Variants in GRIN2A observed in about 807,000 individuals in gnomAD.
GRIN2A encodes the protein glutamate receptor ionotropic, NMDA 2A.
A neutral mutation model predicts 113.4 loss-of-function variants in GRIN2A; 22 were observed. That is an observed-to-expected ratio of 0.19 (90% CI 0.14 to 0.28). The LOEUF is 0.28. GRIN2A is among the 10% of genes least tolerant of loss of function. The probability of loss-of-function intolerance (pLI) is 1.00; values close to 1 mark genes in which losing one functional copy is unlikely to be tolerated. For synonymous variants in GRIN2A, 827 were observed against 738.4 expected (o/e 1.12, Z -1.94); for missense variants, 1,502 against 1,887.0 (o/e 0.80, Z 3.78).
At chr16:9,922,272 A>G (rs1041899489) in intron 3 of GRIN2A, among the ~76,000 whole-genome samples, 1 of 152,126 alleles carries the variant, frequency 6.6e-6, no homozygotes, top group Non-Finnish European at 1.5e-5. Context: ...ATGAAATACA[A>G]TTCCAGATTA....
At chr16:9,936,004 C>T (rs995331551) in intron 3 of GRIN2A, among the ~76,000 whole-genome samples, 2 of 152,150 alleles carry the variant, frequency 1.3e-5, no homozygotes, top group Non-Finnish European at 2.9e-5. Context: ...ACCCAGCCTG[C>T]TGACTGTAAT....
intron 2 of GRIN2A, among the ~76,000 whole-genome samples, chr16:10,131,127 G>A (rs566722014): frequency 3.1e-4 from 47 of 152,334 alleles, no homozygotes; most frequent in Non-Finnish European, 5.7e-4. Flanking sequence ...GGCAGGGGCT[G>A]ATCAAGATGG....
At chr16:9,989,651 G>A (rs2046061823) in intron 2 of GRIN2A, among the ~76,000 whole-genome samples, 1 of 151,786 alleles carries the variant, frequency 6.6e-6, no homozygotes, top group African/African-American at 2.4e-5. Context: ...CCAACAAAGG[G>A]CTAATATTCA....
intron 2 of GRIN2A, among the ~76,000 whole-genome samples, chr16:10,034,218 G>C (rs546164651): frequency 2.0e-5 from 3 of 152,156 alleles, no homozygotes; most frequent in Admixed American, 6.5e-5. Context: ...GGGAAGCTTA[G>C]CAACTTGGGG....
intron 10 of GRIN2A, among the ~76,000 whole-genome samples, chr16:9,805,801 TCA>T (rs1347421802): frequency 1.3e-5 from 2 of 152,106 alleles, no homozygotes; most frequent in African/African-American, 4.8e-5. Context: ...GAGGTGTGGA[TCA>T]CCACCGGGTA....
At chr16:10,071,245 A>T (rs150092357) in intron 2 of GRIN2A, among the ~76,000 whole-genome samples, 204 of 152,322 alleles carry the variant, frequency 1.3e-3, no homozygotes, top group Non-Finnish European at 2.2e-3. Context: ...ATATACCTGG[A>T]AATATTCGGA....
intron 2 of GRIN2A, among the ~76,000 whole-genome samples, chr16:10,008,302 T>C (rs3886523): frequency 0.026 from 3,997 of 152,260 alleles, 194 homozygotes; most frequent in African/African-American, 0.092. Context: ...CAAAACTAAT[T>C]TGGTTGTGTC....
At chr16:9,984,770 G>A (rs1327640512) in intron 2 of GRIN2A, among the ~76,000 whole-genome samples, 2 of 152,114 alleles carry the variant, frequency 1.3e-5, no homozygotes, top group Non-Finnish European at 1.5e-5. Context: ...TTATCTACAT[G>A]CTCATTTTAG....
chr16:9,763,005 A>C lies in GRIN2A; in HGVS notation c.*144T>G. The C allele has an allele frequency of 2.5e-6, 2 of 802,906 alleles. No homozygotes were observed. The highest frequency in any genetic ancestry group is 4.0e-6 in the Non-Finnish European group (2 of 498,578). 49.7% of individuals were successfully genotyped at this position (802,906 alleles called of 1,614,324 possible). On this transcript the variant is annotated 3_prime_UTR_variant, in exon 13 of 13. Transcript: ENST00000330684. ...AAGATTATGGCATGAAGCCGTGTGC[A>C]AAAGAGCCAACAACAACAACAACAA...
intron 2 of GRIN2A, among the ~76,000 whole-genome samples, chr16:10,079,261 G>T (rs1453924166): frequency 6.6e-6 from 1 of 152,196 alleles, no homozygotes; most frequent in Non-Finnish European, 1.5e-5. Context: ...TATGATAAAG[G>T]CTGTGAAAGA....
intron 2 of GRIN2A, among the ~76,000 whole-genome samples, chr16:10,034,313 C>A (rs954185482): frequency 6.6e-6 from 1 of 151,800 alleles, no homozygotes; most frequent in African/African-American, 2.4e-5. Flanking sequence ...TCACTTGAGA[C>A]CAGAAGTGCG....
intron 2 of GRIN2A, among the ~76,000 whole-genome samples, chr16:10,127,274 T>C (rs1321619375): frequency 4.6e-5 from 7 of 151,908 alleles, no homozygotes; most frequent in Non-Finnish European, 1.0e-4. Context: ...GGAAAGTCTT[T>C]GGGTGTTTAT....
rs1462339220 is a variant in GRIN2A, at chr16:9,763,609, C to G, written c.3935G>C (p.Ser1312Thr). ...LDLSRPSRSI[S>T]LKDRERLLEG... ...CAGAAGCCGTTCCCTGTCCTTGAGGCTTATGCTCCGGGAGGGCCTGCTAAG... is the reference window on the plus strand; with the variant it reads ...CAGAAGCCGTTCCCTGTCCTTGAGGGTTATGCTCCGGGAGGGCCTGCTAAG... The change falls in exon 13 of 13, where the codon AGC becomes ACC. Residue 1312 changes from serine to threonine, a missense_variant. Around this residue, in one of 7 missense-constraint regions of GRIN2A, gnomAD observed 832 missense variants for 789.7 expected, o/e 1.05. Coordinates refer to ENST00000330684, the MANE Select transcript of GRIN2A (RefSeq NM_001134407.3). The G allele has an allele frequency of 6.2e-7, 1 of 1,613,468 alleles. No individual in the cohort carries two copies. Among genetic ancestry groups the G allele is most frequent in the Admixed American group, 1.7e-5 (1 of 60,016 alleles).
At position 9,764,127 on chromosome 16, in the gene GRIN2A, C is replaced by A. The variant is rs1236610369; in HGVS notation, c.3417G>T (p.Val1139=). 3.7e-6 allele frequency: 6 copies of A among 1,613,586 alleles called. No individual in the cohort carries two copies. Among genetic ancestry groups the A allele is most frequent in the African/African-American group, 1.3e-5 (1 of 74,868 alleles). ...HLDPPQFVEN[V]TLPENVDFPD... is the part of the protein sequence containing the mutation. ...GGAAGTCCACGTTCTCGGGCAGGGT[C>A]ACATTTTCAACAAACTGGGGTGGAT... The change falls in exon 13 of 13, where the codon GTG becomes GTT. Residue 1139 remains valine (V), a synonymous_variant. Transcript: ENST00000330684.
At chr16:10,100,625 T>C (rs1250139951) in intron 2 of GRIN2A, among the ~76,000 whole-genome samples, 2 of 152,216 alleles carry the variant, frequency 1.3e-5, no homozygotes, top group African/African-American at 4.8e-5. Flanking sequence ...TCTTGTAAGA[T>C]GCTTTTCAGT....
chr16:9,914,959 C>T (rs1369774692), intron 3 of GRIN2A, among the ~76,000 whole-genome samples: 10 of 83,558 alleles, frequency 1.2e-4, no homozygotes, highest in African/African-American at 3.5e-4. Flanking sequence ...TTTAATGAGA[C>T]GGAATCTCAC....
intron 2 of GRIN2A, among the ~76,000 whole-genome samples, chr16:10,040,340 T>A (rs970755670): frequency 3.6e-5 from 5 of 138,210 alleles, no homozygotes; most frequent in African/African-American, 5.5e-5. Context: ...AAACATGCAC[T>A]CACAACCCTG....
chr16:9,986,314 T>C (rs2045978715), intron 2 of GRIN2A, among the ~76,000 whole-genome samples: 2 of 152,184 alleles, frequency 1.3e-5, no homozygotes, highest in African/African-American at 4.8e-5. Flanking sequence ...ACAAAATGTA[T>C]ATACAAGCCA....
At chr16:10,117,450 A>G (rs1481675858) in intron 2 of GRIN2A, among the ~76,000 whole-genome samples, 1 of 151,620 alleles carries the variant, frequency 6.6e-6, no homozygotes, top group African/African-American at 2.4e-5. Context: ...TGAGTATAGG[A>G]GAGTTATCTC....
Sources: gnomAD v4.1 joint callset for allele counts (sites outside exome capture counted in the v4.1 genomes callset) on GRCh38, gnomAD v4.1.1 for gene constraint, gnomAD v4.1.1 regional missense constraint, MANE v1.5 for transcripts, NCBI Gene and HGNC (gene_info 2026-07-23, HGNC 2026-07-21) for gene names.